The following LDHC variants were observed in gnomAD, a reference collection of about 807,000 sequenced individuals.
The protein encoded by LDHC is lactate dehydrogenase C.
In LDHC, 20 loss-of-function variants were observed where a neutral mutation model predicts 30.2. The observed-to-expected ratio is 0.66, with a 90% CI of 0.47 to 0.96. The LOEUF (loss-of-function observed/expected upper bound fraction) is 0.96. Among genes scored for constraint, LDHC ranks in the 40% least tolerant of loss-of-function variants. LDHC has a pLI of 0.00. For missense variants in LDHC, 362 were observed against 394.9 expected (o/e 0.92, Z 0.71); for synonymous variants, 139 against 132.7 (o/e 1.05, Z -0.32).
At position 18,447,234 on chromosome 11, in the gene LDHC, C is replaced by T. The variant is rs1024027610; in HGVS notation, c.834+901C>T. 1.5e-4 allele frequency among the ~76,000 whole-genome samples: 22 copies of T among 151,698 alleles called. 1 individual carries two copies. The highest frequency in any genetic ancestry group is 8.3e-4 in the South Asian group (4 of 4,802). On this transcript the variant is annotated intron_variant, in intron 7 of 7. Transcript: ENST00000541669. ...CTGCAAGCTCCACCTCCCAGGTTCA[C>T]ACTATTCTCCTGCCTCAGCCTCCCA...
chr11:18,429,457 T>G (rs994933479), intron 3 of LDHC, among the ~76,000 whole-genome samples: 1 of 152,130 alleles, frequency 6.6e-6, no homozygotes, highest in Non-Finnish European at 1.5e-5. Flanking sequence ...TTCATTGCCT[T>G]GGGCCTTCAT....
intron 6 of LDHC, 144 bp from the exon 7 acceptor site, chr11:18,446,066 T>C (rs1044366316): frequency 3.1e-6 from 2 of 648,648 alleles, no homozygotes; most frequent in East Asian, 2.9e-5. Context: ...TGCCTGTTTA[T>C]AAATTCTGTA....
At chr11:18,425,935 T>A (rs1035050949) in intron 3 of LDHC, among the ~76,000 whole-genome samples, 19 of 148,738 alleles carry the variant, frequency 1.3e-4, no homozygotes, top group African/African-American at 4.5e-4. Flanking sequence ...AGCGAGACTC[T>A]GTCTCAGAAA....
intron 3 of LDHC, among the ~76,000 whole-genome samples, chr11:18,428,166 C>CTTTTTTTTTT (rs35861956): frequency 2.3e-4 from 22 of 94,840 alleles, no homozygotes; most frequent in Admixed American, 5.4e-4. Context: ...CTTTCTCTCT[C>CTTTTTTTTTT]TTTTTTTTTT....
At chr11:18,421,298 G>A (rs1848045681) in intron 3 of LDHC, among the ~76,000 whole-genome samples, 1 of 151,596 alleles carries the variant, frequency 6.6e-6, no homozygotes, top group African/African-American at 2.4e-5. Flanking sequence ...CAGGTGGTCT[G>A]CCCGCTTCGG....
Sources: allele counts gnomAD v4.1 joint callset (sites outside exome capture counted in the v4.1 genomes callset), GRCh38; gene constraint gnomAD v4.1.1; transcripts MANE v1.5; gene names NCBI Gene and HGNC (gene_info 2026-07-23, HGNC 2026-07-21).